SMARCA1: variants seen among roughly 807,000 people sequenced by gnomAD.
The protein encoded by SMARCA1 is SWI/SNF-related matrix-associated actin-dependent regulator of chromatin subfamily A member 1.
A neutral mutation model predicts 93.6 loss-of-function variants in SMARCA1; 17 were observed. The ratio of observed to expected loss-of-function variants is 0.18; its 90% CI spans 0.12 to 0.27. The LOEUF is 0.27. Ranked by LOEUF, SMARCA1 falls within the 10% of genes least tolerant of loss-of-function variation. SMARCA1 has a pLI of 1.00. For synonymous variants in SMARCA1, 271 were observed against 271.4 expected (o/e 1.00, Z 0.01); for missense variants, 630 against 819.0 (o/e 0.77, Z 2.82).
At chrX:129,475,292 G>T (rs140894533) in intron 19 of SMARCA1, among the ~76,000 whole-genome samples, 1 of 110,183 alleles carries the variant, frequency 9.1e-6, no homozygotes, top group African/African-American at 3.3e-5. Context: ...GTCAAGGCGG[G>T]TGGATCACCT....
chrX:129,465,774 G>C (rs372777625), intron 22 of SMARCA1, 42 bp from the exon 23 acceptor site: 1 of 1,061,972 alleles, frequency 9.4e-7, no homozygotes, highest in Non-Finnish European at 1.3e-6. Flanking sequence ...TGAATGTGCA[G>C]TAAGAAGTCA....
intron 20 of SMARCA1, among the ~76,000 whole-genome samples, chrX:129,470,217 G>A (rs1224853529): frequency 1.8e-5 from 2 of 110,993 alleles, no homozygotes; most frequent in African/African-American, 6.5e-5. Flanking sequence ...AATGTCCTAC[G>A]GTACACATTT....
chrX:129,476,575 T>C (rs1434683832), intron 19 of SMARCA1, among the ~76,000 whole-genome samples: 2 of 111,599 alleles, frequency 1.8e-5, no homozygotes, highest in East Asian at 5.6e-4. Flanking sequence ...CCCCCAGCTA[T>C]GGGCATCACC....
Position 129,511,955 on chromosome X carries a change from G to T in SMARCA1, c.659C>A (p.Ala220Asp). The T allele has an allele frequency of 8.3e-7, 1 of 1,201,580 alleles. No individual in the cohort carries two copies. Among genetic ancestry groups the T allele is most frequent in the East Asian group, 3.0e-5 (1 of 33,524 alleles). The stretch of plus-strand genomic sequence containing the variant: ...GTAGTGTTTCAGGTAACCAAGCAAA[G>T]CAATTGTTTGTAAAGTTTTCCCAAG... ...MGLGKTLQTIALLGYLKHYRN... is the reference protein window; with the variant it reads ...MGLGKTLQTIDLLGYLKHYRN... The change falls in exon 6 of 25, where the codon GCT becomes GAT. Residue 220 changes from alanine to aspartate, a missense_variant. Around this residue, in one of 4 missense-constraint regions of SMARCA1, gnomAD observed 382 missense variants for 537.9 expected, o/e 0.71. Transcript: ENST00000371121.
At chrX:129,491,388 G>A (rs781252419) in intron 14 of SMARCA1, among the ~76,000 whole-genome samples, 3 of 111,378 alleles carry the variant, frequency 2.7e-5, no homozygotes, top group Admixed American at 9.5e-5. Flanking sequence ...ATGATGAAAG[G>A]TCAGAGAAAC....
rs542126835 is a variant in SMARCA1, at chrX:129,482,522, A to G, written c.2218-1337T>C. ...AAGACCAGGATTCTGCTACTTCACT[A>G]GTTATATAACTTTGGGGAAATTATT... On this transcript the variant is annotated intron_variant, in intron 17 of 24. Coordinates refer to ENST00000371121, the MANE Select transcript of SMARCA1 (RefSeq NM_001282874.2). 2.2e-4 allele frequency among the ~76,000 whole-genome samples: 24 copies of G among 111,576 alleles called. No individual in the cohort carries two copies. The South Asian group carries it at 8.7e-3, about 40-fold the overall frequency.
At chrX:129,492,155 G>T in intron 13 of SMARCA1, 62 bp from the exon 14 acceptor site, 1 of 679,991 alleles carries the variant, frequency 1.5e-6, no homozygotes, top group Non-Finnish European at 2.2e-6. Flanking sequence ...GACCATCAGG[G>T]TCCTTAAGAA....
intron 12 of SMARCA1, among the ~76,000 whole-genome samples, chrX:129,493,460 T>A (rs1389578123): frequency 9.0e-6 from 1 of 111,466 alleles, no homozygotes; most frequent in Non-Finnish European, 1.9e-5. Context: ...GCAATCTTTT[T>A]TAAAATAAAT....
intron 9 of SMARCA1, 127 bp downstream of exon 9, chrX:129,504,606 GA>G: frequency 2.9e-6 from 1 of 349,779 alleles, no homozygotes; most frequent in African/African-American, 3.0e-5. Flanking sequence ...GAAAGGTTAG[GA>G]GGGAGAAACA....
At chrX:129,458,291 G>T (rs1200689981) in intron 23 of SMARCA1, among the ~76,000 whole-genome samples, 1 of 112,037 alleles carries the variant, frequency 8.9e-6, no homozygotes, top group Non-Finnish European at 1.9e-5. Flanking sequence ...GTCATTCTTT[G>T]CTTTCAGGCC....
chrX:129,485,941 G>A (rs1602689458), intron 17 of SMARCA1, among the ~76,000 whole-genome samples: 1 of 111,100 alleles, frequency 9.0e-6, no homozygotes, highest in African/African-American at 3.3e-5. Context: ...GTAGAACCAT[G>A]AGCCAAATAA....
At position 129,465,718 on chromosome X, in the gene SMARCA1, C is replaced by T. The variant is rs763617621; in HGVS notation, c.2832G>A (p.Lys944=). 3 of 1,168,950 alleles carry T rather than the reference C, an allele frequency of 2.6e-6. No homozygotes were observed. The African/African-American group carries it at 5.4e-5, about 21-fold the overall frequency. The stretch of plus-strand genomic sequence containing the variant: ...GAATGCGCAACTGATGAAATGGAGC[C>T]TTGTATCTTGCAATCTGTGTATTTA... ...KALDAKIARY[K]APFHQLRIQY... Residue 944 remains lysine (K), a synonymous_variant, in exon 23 of 25, where the codon AAG becomes AAA. Coordinates refer to ENST00000371121, the MANE Select transcript of SMARCA1 (RefSeq NM_001282874.2).
chrX:129,516,388 T>G lies in SMARCA1; in HGVS notation c.371A>C (p.Lys124Thr), dbSNP rs1461791504. The change falls in exon 3 of 25, where the codon AAA (lysine) becomes ACA (threonine). Residue 124 changes from lysine (K) to threonine (T), a missense_variant. Coordinates refer to ENST00000371121, the MANE Select transcript of SMARCA1 (RefSeq NM_001282874.2). ...TTTCTTTATTCGGGGACGTCCCAAT[T>G]TCATGTTCAGTGGAGATGTTGGAGA... ...QKSPTSPLNM[K>T]LGRPRIKKDE... is the part of the protein sequence containing the mutation. 1 of 1,209,716 alleles carries G rather than the reference T, an allele frequency of 8.3e-7. No individual in the cohort carries two copies.
chrX:129,449,666 A>T (rs1932191273), intron 23 of SMARCA1, among the ~76,000 whole-genome samples: 1 of 112,004 alleles, frequency 8.9e-6, no homozygotes, highest in South Asian at 3.7e-4. Flanking sequence ...GTTTAATATC[A>T]AAGGATAAAT....
intron 17 of SMARCA1, 85 bp from the exon 18 acceptor site, chrX:129,481,270 A>G (rs757497291): frequency 5.8e-5 from 33 of 569,447 alleles, no homozygotes; most frequent in Non-Finnish European, 9.4e-5. Context: ...CTGCAGAAAC[A>G]TAAGGAAGCA....
In SMARCA1 at chrX:129,465,653, T is replaced by C; in HGVS notation, c.2897A>G (p.Glu966Gly). ...TAACATACAAATCAAGAATCTATCT[T>C]CTTCCTCAGTATAGTTCTTTCCTTT... is the stretch of plus-strand genomic sequence containing the variant. ...TSKGKNYTEE[E>G]DRFLICMLHK... Residue 966 changes from glutamate (E) to glycine (G), a missense_variant, in exon 23 of 25, where the codon GAA (glutamate) becomes GGA (glycine). Around this residue, in one of 4 missense-constraint regions of SMARCA1, gnomAD observed 93 missense variants for 160.8 expected, o/e 0.58. Transcript: ENST00000371121. 1 of 1,203,513 alleles carries C rather than the reference T, an allele frequency of 8.3e-7. No homozygotes were observed. Among genetic ancestry groups the C allele is most frequent in the Non-Finnish European group, 1.1e-6 (1 of 889,057 alleles).
intron 19 of SMARCA1, among the ~76,000 whole-genome samples, chrX:129,480,493 A>C (rs1326886227): frequency 8.9e-6 from 1 of 112,178 alleles, no homozygotes; most frequent in Non-Finnish European, 1.9e-5. Flanking sequence ...ATTCTTCATT[A>C]ATCTCATTTA....
chrX:129,490,262 A>C (rs1934070425), intron 14 of SMARCA1, 70 bp from the exon 15 acceptor site: 1 of 709,397 alleles, frequency 1.4e-6, no homozygotes, highest in African/African-American at 2.2e-5. Flanking sequence ...ATATGCTATA[A>C]AATTCTAAAA....
chrX:129,450,946 A>C (rs1932261160), intron 23 of SMARCA1, among the ~76,000 whole-genome samples: 1 of 111,861 alleles, frequency 8.9e-6, no homozygotes, highest in Non-Finnish European at 1.9e-5. Context: ...ATACAAAATA[A>C]GATCAACTAT....
Sources: allele counts gnomAD v4.1 joint callset (sites outside exome capture counted in the v4.1 genomes callset), GRCh38; gene constraint gnomAD v4.1.1; regional missense constraint gnomAD v4.1.1; transcripts MANE v1.5; gene names NCBI Gene and HGNC (gene_info 2026-07-23, HGNC 2026-07-21).